Variants in STX5 observed in about 807,000 individuals in gnomAD.
The protein encoded by STX5 is syntaxin-5.
Under a neutral mutation model 42.9 loss-of-function variants are expected in STX5, and 15 were observed. That is an observed-to-expected ratio of 0.35 (90% CI 0.23 to 0.54). The LOEUF (loss-of-function observed/expected upper bound fraction) is 0.54, where lower values mean the gene tolerates loss of function less well. Ranked by LOEUF, STX5 falls within the 20% of genes least tolerant of loss-of-function variation. The pLI is 0.91. For missense variants in STX5, 430 were observed against 455.0 expected (o/e 0.95, Z 0.50); for synonymous variants, 184 against 173.2 (o/e 1.06, Z -0.49).
intron 10 of STX5, among the ~76,000 whole-genome samples, chr11:62,809,542 C>T (rs1225746637): frequency 2.0e-5 from 3 of 150,712 alleles, no homozygotes; most frequent in Admixed American, 6.6e-5. Flanking sequence ...GGCGTGGTGG[C>T]GGGCGCCTGT....
At chr11:62,829,594 T>C (rs539760050) in intron 2 of STX5, among the ~76,000 whole-genome samples, 2 of 151,918 alleles carry the variant, frequency 1.3e-5, no homozygotes, top group African/African-American at 4.8e-5. Flanking sequence ...TAAAACCCCA[T>C]CTCTACTAAC....
intron 10 of STX5, among the ~76,000 whole-genome samples, chr11:62,815,359 GCT>G (rs2084662198): frequency 6.6e-6 from 1 of 151,720 alleles, no homozygotes; most frequent in African/African-American, 2.4e-5. Flanking sequence ...ACAGAGTATC[GCT>G]CTGTCGTAAC....
rs779411891 is a variant in STX5 at position 62,825,485 on chromosome 11, T to C, written c.478A>G (p.Lys160Glu). The C allele has an allele frequency of 2.4e-5, 38 of 1,613,934 alleles. No homozygotes were observed. The highest frequency in any genetic ancestry group is 3.1e-5 in the Non-Finnish European group (37 of 1,180,050). ...AGGTGCCGGCCACTCTGGCTGCCCT[T>C]GGCTCTCACGAAATCCTGGAGCTGA... ...IAQLQDFVRAKGSQSGRHLQT... is the reference protein window; with the variant it reads ...IAQLQDFVRAEGSQSGRHLQT... The change falls in exon 6 of 11, where the codon AAG (lysine) becomes GAG (glutamate). Residue 160 changes from lysine (K) to glutamate (E), a missense_variant. Physicochemically the swap from Lys to Glu is moderately conservative, Grantham distance 56. Transcript: ENST00000294179.
chr11:62,819,138 G>A (rs1590968712), intron 10 of STX5, among the ~76,000 whole-genome samples: 1 of 135,788 alleles, frequency 7.4e-6, no homozygotes, highest in Non-Finnish European at 1.5e-5. Flanking sequence ...GGAGAATGGT[G>A]TGAACCCAGG....
Position 62,820,244 on chromosome 11 carries a change from A to C in STX5, c.908+3922T>G, listed in dbSNP as rs996313409. On this transcript the variant is annotated intron_variant, in intron 10 of 10. Coordinates refer to ENST00000294179, the MANE Select transcript of STX5 (RefSeq NM_003164.5). ...AAAATTAGCCGGGCGTGGTGGCGGG[A>C]GCCTGTAGTACCAGCTACTCGGGAG... Among the ~76,000 whole-genome samples, 22 of 150,524 alleles carry C rather than the reference A, an allele frequency of 1.5e-4. No individual in the cohort carries two copies. In the East Asian group the frequency reaches 4.4e-3, roughly 30 times the overall value.
intron 10 of STX5, among the ~76,000 whole-genome samples, chr11:62,821,852 C>T (rs764608814): frequency 6.6e-6 from 1 of 151,872 alleles, no homozygotes; most frequent in East Asian, 1.9e-4. Flanking sequence ...ATGGTGAAAC[C>T]CTGTCTCCAC....
chr11:62,812,794 T>G (rs1358147003), intron 10 of STX5, among the ~76,000 whole-genome samples: 1 of 151,778 alleles, frequency 6.6e-6, no homozygotes, highest in East Asian at 1.9e-4. Context: ...TGCAAGGGGT[T>G]CCCTAGGTCT....
chr11:62,815,671 G>A (rs1363250318), intron 10 of STX5, among the ~76,000 whole-genome samples: 1 of 151,678 alleles, frequency 6.6e-6, no homozygotes, highest in Admixed American at 6.6e-5. Flanking sequence ...CAAGTAGCTG[G>A]GACCACAGGC....
At chr11:62,817,098 T>C (rs1437633776) in intron 10 of STX5, among the ~76,000 whole-genome samples, 1 of 151,868 alleles carries the variant, frequency 6.6e-6, no homozygotes, top group African/African-American at 2.4e-5. Context: ...GCTAATTTTT[T>C]TGTATTTTTA....
chr11:62,826,879 CAAA>C (rs34108643), intron 5 of STX5, among the ~76,000 whole-genome samples: 7 of 65,636 alleles, frequency 1.1e-4, no homozygotes, highest in African/African-American at 1.2e-4. Flanking sequence ...AACTCTGCCT[CAAA>C]AAAAAAAAAA....
In STX5 at chr11:62,807,498, A is replaced by T. The variant is rs1485453694; in HGVS notation, c.1039T>A (p.Phe347Ile). Reference sequence around the variant, plus strand: ...GCAAGGAAGACCACAAAGATGATGAAGAAGACAATGAGGATGAGGAAGATT... The same window carrying T: ...GCAAGGAAGACCACAAAGATGATGATGAAGACAATGAGGATGAGGAAGATT... ...VKIFLILIVF[F>I]IIFVVFLA The change falls in exon 11 of 11, where the codon TTC becomes ATC. Residue 347 changes from phenylalanine to isoleucine, a missense_variant. Transcript: ENST00000294179. 5 of 1,613,918 alleles carry T rather than the reference A, an allele frequency of 3.1e-6. No homozygotes were observed. Among genetic ancestry groups the T allele is most frequent in the East Asian group, 2.2e-5 (1 of 44,852 alleles).
chr11:62,831,013 C>A lies in STX5; in HGVS notation c.225+6G>T, dbSNP rs565365076. On this transcript the variant is annotated splice_donor_region_variant and intron_variant, in intron 2 of 10. Coordinates refer to ENST00000294179, the MANE Select transcript of STX5 (RefSeq NM_003164.5). ...ACTCCTCGCCTTTTCCACTCCAGGT[C>A]CTTACCTGACGGGTCTGCAGCGACT... 3 of 1,549,618 alleles carry A rather than the reference C, an allele frequency of 1.9e-6. No individual in the cohort carries two copies. In the South Asian group the frequency reaches 3.6e-5, roughly 18 times the overall value.
rs1172550118 is a variant in STX5, at chr11:62,824,529, G to A, written c.716C>T (p.Ala239Val). The stretch of plus-strand genomic sequence containing the variant: ...CATGTCGATGGCGACATCCTTGGAG[G>A]CATGGGACTCTGCCCCCAGAACCAC... The part of the protein sequence containing the change: ...GAVVLGAESH[A>V]SKDVAIDMMD... Residue 239 changes from alanine to valine, a missense_variant, in exon 9 of 11, where the codon GCC becomes GTC. Coordinates refer to ENST00000294179, the MANE Select transcript of STX5 (RefSeq NM_003164.5). 6.2e-7 allele frequency: 1 copy of A among 1,614,158 alleles called. No homozygotes were observed.
In STX5 at chr11:62,819,220, GAAAAAAAAAAAAAAAAAA is replaced by G. The variant is rs57390432; in HGVS notation, c.908+4928_908+4945del. Among the ~76,000 whole-genome samples the G allele has an allele frequency of 1.7e-3, 49 of 29,646 alleles. 1 individual carries two copies. Among genetic ancestry groups the G allele is most frequent in the South Asian group, 5.1e-3 (2 of 394 alleles). 19.4% of individuals were successfully genotyped at this position (29,646 alleles called of 152,430 possible). On this transcript the variant is annotated intron_variant, in intron 10 of 10. Transcript: ENST00000294179. The stretch of plus-strand genomic sequence containing the variant: ...TGGGCAACAGAGTGAGACTCTGTCT[GAAAAAAAAAAAAAAAAAA>G]AAAAAAAAAAAAAAAAAAGAAGGTG...
intron 10 of STX5, among the ~76,000 whole-genome samples, chr11:62,823,305 G>A (rs981898794): frequency 3.3e-5 from 5 of 151,794 alleles, no homozygotes; most frequent in African/African-American, 1.2e-4. Context: ...CTCCCGAGTA[G>A]CTGGAACCAC....
intron 10 of STX5, among the ~76,000 whole-genome samples, chr11:62,815,797 G>A (rs1358877804): frequency 7.2e-5 from 11 of 151,934 alleles, no homozygotes; most frequent in South Asian, 2.1e-4. Context: ...TTGGCCTCCC[G>A]AAGTGCTAGG....
chr11:62,811,658 C>T (rs1252710327), intron 10 of STX5, among the ~76,000 whole-genome samples: 2 of 143,122 alleles, frequency 1.4e-5, no homozygotes, highest in African/African-American at 2.6e-5. Context: ...TCTCTCATCC[C>T]TTTTTTTTTT....
chr11:62,827,553 C>T lies in STX5; in HGVS notation c.296+8G>A. Reference sequence around the variant, plus strand: ...TATCACCCCACCAGAAAGCTTCTCTCAACTCACTTGGCCATGAGGGTGAAT... The same window carrying T: ...TATCACCCCACCAGAAAGCTTCTCTTAACTCACTTGGCCATGAGGGTGAAT... On this transcript the variant is annotated splice_region_variant and intron_variant, in intron 3 of 10. Coordinates refer to ENST00000294179, the MANE Select transcript of STX5 (RefSeq NM_003164.5). 6.2e-7 allele frequency: 1 copy of T among 1,614,244 alleles called. No homozygotes were observed. The highest frequency in any genetic ancestry group is 1.7e-5 in the Admixed American group (1 of 60,016).
chr11:62,829,898 T>G (rs575812581), intron 2 of STX5, among the ~76,000 whole-genome samples: 1 of 149,026 alleles, frequency 6.7e-6, no homozygotes, highest in Non-Finnish European at 1.5e-5. Context: ...CCATCTCTAC[T>G]AAAAAAAAAT....
Sources: allele counts gnomAD v4.1 joint callset (sites outside exome capture counted in the v4.1 genomes callset), GRCh38; gene constraint gnomAD v4.1.1; transcripts MANE v1.5; gene names NCBI Gene and HGNC (gene_info 2026-07-23, HGNC 2026-07-21).